Variants in RMND1 observed in about 807,000 individuals in gnomAD.
RMND1 encodes the protein required for meiotic nuclear division protein 1 homolog.
Under a neutral mutation model 54.0 loss-of-function variants are expected in RMND1, and 41 were observed. That is an observed-to-expected ratio of 0.76 (90% confidence interval 0.59 to 0.98). The LOEUF (loss-of-function observed/expected upper bound fraction) is 0.98, where lower values mean the gene tolerates loss of function less well. RMND1 is among the 50% of genes least tolerant of loss of function. The pLI, the probability that RMND1 is intolerant of heterozygous loss-of-function variation, is 0.00. For missense variants in RMND1, 457 were observed against 532.0 expected (o/e 0.86, Z 1.39); for synonymous variants, 183 against 181.7 (o/e 1.01, Z -0.06).
intron 2 of RMND1, among the ~76,000 whole-genome samples, chr6:151,437,315 T>C (rs1249476151): frequency 6.6e-6 from 1 of 152,254 alleles, no homozygotes; most frequent in Non-Finnish European, 1.5e-5. Flanking sequence ...GGAAATGCTA[T>C]TTTATGAAGT....
intron 10 of RMND1, among the ~76,000 whole-genome samples, chr6:151,415,683 C>G (rs554227521): frequency 6.6e-6 from 1 of 151,566 alleles, no homozygotes; most frequent in South Asian, 2.1e-4. Context: ...GTCCCACCTA[C>G]TCAGGAGGCT....
chr6:151,423,185 C>A (rs1350810991), intron 7 of RMND1, among the ~76,000 whole-genome samples: 2 of 152,150 alleles, frequency 1.3e-5, no homozygotes, highest in African/African-American at 2.4e-5. Flanking sequence ...GGGACCTGTG[C>A]CCAGTCACAC....
rs1779799960 is a variant in RMND1 at position 151,410,590 on chromosome 6, T to C, written c.1201-4754A>G. ...CCTTTTAGGTATGCTTCATAACTCA[T>C]GCAGAAGACTTAACACCAAAAAAGA... On this transcript the variant is annotated intron_variant, in intron 10 of 11. Transcript: ENST00000444024. Among the ~76,000 whole-genome samples the C allele has an allele frequency of 2.0e-5, 3 of 152,242 alleles. No individual in the cohort carries two copies. In the South Asian group the frequency reaches 6.2e-4, roughly 32 times the overall value.
intron 5 of RMND1, among the ~76,000 whole-genome samples, chr6:151,428,300 ATGC>A (rs151162002): frequency 5.9e-5 from 9 of 152,304 alleles, no homozygotes; most frequent in Admixed American, 3.9e-4. Context: ...GTACATATTT[ATGC>A]TGCTTTTTAT....
chr6:151,429,123 C>CTTTTTTTTT (rs528642361), intron 5 of RMND1, among the ~76,000 whole-genome samples: 1 of 140,042 alleles, frequency 7.1e-6, no homozygotes, highest in African/African-American at 2.6e-5. Context: ...TTGTAACCCG[C>CTTTTTTTTT]TTTTTTTTTT....
chr6:151,442,383 A>G (rs1050116262), intron 2 of RMND1, among the ~76,000 whole-genome samples: 6 of 152,226 alleles, frequency 3.9e-5, no homozygotes, highest in African/African-American at 1.4e-4. Context: ...AAAATGGTTA[A>G]CAGTCCACCA....
At chr6:151,419,218 C>A (rs1207382134) in intron 9 of RMND1, among the ~76,000 whole-genome samples, 1 of 151,822 alleles carries the variant, frequency 6.6e-6, no homozygotes, top group Non-Finnish European at 1.5e-5. Context: ...GCGCACACCA[C>A]CATTCCTGGC....
intron 10 of RMND1, among the ~76,000 whole-genome samples, chr6:151,407,566 C>T (rs1238717785): frequency 6.6e-6 from 1 of 152,112 alleles, no homozygotes; most frequent in African/African-American, 2.4e-5. Flanking sequence ...AACAACTTAG[C>T]TTCGAACCTC....
intron 5 of RMND1, among the ~76,000 whole-genome samples, chr6:151,429,123 C>CT (rs528642361): frequency 0.029 from 4,029 of 139,976 alleles, 74 homozygotes; most frequent in Non-Finnish European, 0.035. Flanking sequence ...TTGTAACCCG[C>CT]TTTTTTTTTT....
chr6:151,444,988 A>AT (rs924347127), intron 2 of RMND1: 251 of 212,128 alleles, frequency 1.2e-3, no homozygotes, highest in East Asian at 9.3e-3. Flanking sequence ...TTTTTATTTT[A>AT]TTTTTTTTTA....
chr6:151,433,185 TC>T lies in RMND1; in HGVS notation c.658del (p.Glu220LysfsTer20). 6.2e-7 allele frequency: 1 copy of T among 1,612,824 alleles called. No homozygotes were observed. Among genetic ancestry groups the T allele is most frequent in the Non-Finnish European group, 8.5e-7 (1 of 1,179,264 alleles). On this transcript the variant is annotated frameshift_variant, in exon 4 of 12. Transcript: ENST00000444024. LOFTEE classifies it high-confidence loss of function. ...LVMGVENSAKEGDPGTIFFFR... is the reference protein window; with the variant it reads ...LVMGVENSAKXGDPGTIFFFR... ...GAAGAATATTGTTCCAGGATCACCTTCTTTTGCAGAATTTTCCACACCCATC... is the reference window on the plus strand; with the variant it reads ...GAAGAATATTGTTCCAGGATCACCTTTTTTGCAGAATTTTCCACACCCATC...
At chr6:151,439,763 G>A (rs369775765) in intron 2 of RMND1, among the ~76,000 whole-genome samples, 1 of 152,132 alleles carries the variant, frequency 6.6e-6, no homozygotes, top group South Asian at 2.1e-4. Flanking sequence ...CGGTTCAAGC[G>A]ATTCTCCTGC....
chr6:151,425,181 G>C (rs1019937526), intron 6 of RMND1, among the ~76,000 whole-genome samples: 1 of 152,128 alleles, frequency 6.6e-6, no homozygotes, highest in Non-Finnish European at 1.5e-5. Flanking sequence ...GACCTCAAGT[G>C]ATCTGCCCGC....
At chr6:151,433,622 C>A (rs1425396281) in intron 3 of RMND1, among the ~76,000 whole-genome samples, 1 of 152,100 alleles carries the variant, frequency 6.6e-6, no homozygotes, top group Admixed American at 6.6e-5. Flanking sequence ...TTAATATATT[C>A]TCTTCCTATA....
rs1194760114 is a variant in RMND1 at position 151,445,251 on chromosome 6, T to C, written c.504+57A>G. The C allele has an allele frequency of 2.6e-6, 4 of 1,530,534 alleles. No individual in the cohort carries two copies. In the Admixed American group the frequency reaches 8.6e-5, roughly 33 times the overall value. 94.8% of individuals were successfully genotyped at this position (1,530,534 alleles called of 1,614,324 possible). A position where few individuals can be genotyped will look rare whatever the true frequency, so the allele number is the denominator to read the frequency against. ...GGTAAGGCTGGGGTGCAACGCACAC[T>C]GGTTTAGCATGAGCAATGATCACTA... On this transcript the variant is annotated intron_variant, in intron 2 of 11. Coordinates refer to ENST00000444024, the MANE Select transcript of RMND1 (RefSeq NM_017909.4).
chr6:151,449,352 G>A (rs1781059625), intron 1 of RMND1, among the ~76,000 whole-genome samples: 1 of 146,590 alleles, frequency 6.8e-6, no homozygotes, highest in African/African-American at 2.5e-5. Flanking sequence ...CTGGGCGACA[G>A]AGTGAGATTC....
intron 2 of RMND1, among the ~76,000 whole-genome samples, chr6:151,443,196 T>C (rs1408382344): frequency 1.3e-5 from 2 of 152,190 alleles, no homozygotes; most frequent in African/African-American, 4.8e-5. Context: ...AAAGTCAGTC[T>C]TTGGTCCTGG....
chr6:151,424,869 A>G (rs1245218005), intron 6 of RMND1, among the ~76,000 whole-genome samples: 1 of 149,080 alleles, frequency 6.7e-6, no homozygotes, highest in African/African-American at 2.5e-5. Context: ...AGGGAGGGGG[A>G]CAAGGGGCCT....
At chr6:151,414,419 G>A (rs1214110245) in intron 10 of RMND1, among the ~76,000 whole-genome samples, 1 of 152,012 alleles carries the variant, frequency 6.6e-6, no homozygotes, top group African/African-American at 2.4e-5. Context: ...GGAAACTGGA[G>A]GTATTAAAAT....
Sources: gnomAD v4.1 joint callset for allele counts (sites outside exome capture counted in the v4.1 genomes callset) on GRCh38, gnomAD v4.1.1 for gene constraint, MANE v1.5 for transcripts, NCBI Gene and HGNC (gene_info 2026-07-23, HGNC 2026-07-21) for gene names.